Variants in RASAL2 observed in about 807,000 individuals in gnomAD.
RASAL2 encodes the protein RAS protein activator like 2.
Under a neutral mutation model 128.9 loss-of-function variants are expected in RASAL2, and 58 were observed. The observed-to-expected ratio is 0.45, with a 90% confidence interval of 0.36 to 0.56. The LOEUF is 0.56. Ranked by LOEUF, RASAL2 falls within the 20% of genes least tolerant of loss-of-function variation. RASAL2 has a pLI of 0.00. For synonymous variants in RASAL2, 561 were observed against 580.8 expected (o/e 0.97, Z 0.49); for missense variants, 1,360 against 1,601.6 (o/e 0.85, Z 2.57).
At chr1:178,112,447 G>T (rs961373448) in intron 1 of RASAL2, among the ~76,000 whole-genome samples, 2 of 151,986 alleles carry the variant, frequency 1.3e-5, no homozygotes, top group Non-Finnish European at 2.9e-5. Flanking sequence ...CTACTCAGGA[G>T]GCTGAGGCAG....
At chr1:178,392,413 T>C (rs1483557999) in intron 4 of RASAL2, among the ~76,000 whole-genome samples, 1 of 152,026 alleles carries the variant, frequency 6.6e-6, no homozygotes, top group Non-Finnish European at 1.5e-5. Context: ...GAGACAGGAA[T>C]TGAAAAGTAT....
At chr1:178,415,425 A>G (rs1407834727) in intron 4 of RASAL2, among the ~76,000 whole-genome samples, 1 of 152,152 alleles carries the variant, frequency 6.6e-6, no homozygotes, top group Non-Finnish European at 1.5e-5. Context: ...ATTATGATCT[A>G]AAAGAAGACA....
rs1332619204 is a variant in RASAL2, at chr1:178,298,491, A to C, written c.331-1501A>C. Among the ~76,000 whole-genome samples, 3 of 152,224 alleles carry C rather than the reference A, an allele frequency of 2.0e-5. No homozygotes were observed. The South Asian group carries it at 6.2e-4, about 31-fold the overall frequency. On this transcript the variant is annotated intron_variant, in intron 2 of 17. Transcript: ENST00000367649. ...ATTTGCTCCTCGGATTCTCAGTAAC[A>C]GAGAGAGAGTTTTCCTTGCCATCAT...
intron 5 of RASAL2, among the ~76,000 whole-genome samples, chr1:178,438,533 G>C (rs1268621352): frequency 3.3e-5 from 5 of 151,858 alleles, no homozygotes; most frequent in Admixed American, 1.3e-4. Flanking sequence ...TGGGATTCAA[G>C]AATATTGTAC....
At chr1:178,096,406 G>A (rs1397322306) in intron 1 of RASAL2, among the ~76,000 whole-genome samples, 2 of 151,862 alleles carry the variant, frequency 1.3e-5, no homozygotes, top group African/African-American at 4.8e-5. Flanking sequence ...GTCTACAAAT[G>A]TATGTTGTTT....
intron 3 of RASAL2, among the ~76,000 whole-genome samples, chr1:178,312,686 A>G (rs1446949504): frequency 6.6e-6 from 1 of 152,244 alleles, no homozygotes; most frequent in Non-Finnish European, 1.5e-5. Flanking sequence ...AGACTGGAGC[A>G]GCTGATAAGG....
intron 3 of RASAL2, among the ~76,000 whole-genome samples, chr1:178,364,563 G>T (rs894841514): frequency 4.6e-5 from 7 of 152,150 alleles, no homozygotes. Context: ...TATTATTGTT[G>T]CTACAAGTAT....
At chr1:178,390,311 AATTTCTTTATAATTCTGTG>A in intron 4 of RASAL2, 105 bp downstream of exon 4, 1 of 753,400 alleles carries the variant, frequency 1.3e-6, no homozygotes, top group Non-Finnish European at 2.1e-6. Context: ...TCTCTTCAAG[AATTTCTTTATAATTCTGTG>A]ATTAAAGGAT....
intron 3 of RASAL2, among the ~76,000 whole-genome samples, chr1:178,331,855 G>A (rs950669537): frequency 2.0e-5 from 3 of 151,852 alleles, no homozygotes; most frequent in East Asian, 1.9e-4. Flanking sequence ...CCAAAGTGCT[G>A]GGATTACAGG....
chr1:178,372,576 C>T (rs891357499), intron 3 of RASAL2, among the ~76,000 whole-genome samples: 1 of 152,146 alleles, frequency 6.6e-6, no homozygotes, highest in Non-Finnish European at 1.5e-5. Context: ...TCAAGGCTTA[C>T]CATGTCATCT....
chr1:178,415,481 C>G (rs1025064753), intron 4 of RASAL2, among the ~76,000 whole-genome samples: 1 of 151,876 alleles, frequency 6.6e-6, no homozygotes, highest in Non-Finnish European at 1.5e-5. Context: ...GTGTTTTATG[C>G]CCAGAATTTG....
chr1:178,354,714 A>G (rs752680951), intron 3 of RASAL2, among the ~76,000 whole-genome samples: 4 of 152,232 alleles, frequency 2.6e-5, no homozygotes, highest in African/African-American at 4.8e-5. Context: ...ACTGTTTACA[A>G]TAACAAAATG....
intron 7 of RASAL2, 116 bp downstream of exon 7, chr1:178,441,763 A>G (rs1676666612): frequency 4.2e-6 from 3 of 714,444 alleles, no homozygotes; most frequent in Non-Finnish European, 7.1e-6. Flanking sequence ...TTTAAAGCAC[A>G]TTTATATGTT....
At chr1:178,279,115 A>G (rs1325656581) in intron 1 of RASAL2, among the ~76,000 whole-genome samples, 3 of 152,228 alleles carry the variant, frequency 2.0e-5, no homozygotes, top group Non-Finnish European at 2.9e-5. Context: ...TTTGGAAATA[A>G]TAGATTGCAT....
At chr1:178,290,555 C>T (rs1255067580) in intron 2 of RASAL2, among the ~76,000 whole-genome samples, 1 of 150,896 alleles carries the variant, frequency 6.6e-6, no homozygotes, top group African/African-American at 2.4e-5. Context: ...TGGAATTAGA[C>T]AGCAGTGGTA....
At chr1:178,370,610 T>C (rs1334777105) in intron 3 of RASAL2, among the ~76,000 whole-genome samples, 3 of 152,250 alleles carry the variant, frequency 2.0e-5, no homozygotes, top group Non-Finnish European at 4.4e-5. Flanking sequence ...TCAAAATGGT[T>C]AATTTTTAAA....
At chr1:178,396,826 TAA>T (rs60205143) in intron 4 of RASAL2, among the ~76,000 whole-genome samples, 22 of 134,080 alleles carry the variant, frequency 1.6e-4, no homozygotes, top group Non-Finnish European at 2.0e-4. Context: ...GAGTGGCTGG[TAA>T]AAAAAAAAAA....
chr1:178,102,781 T>C (rs1014485903), intron 1 of RASAL2, among the ~76,000 whole-genome samples: 4 of 152,222 alleles, frequency 2.6e-5, no homozygotes, highest in African/African-American at 9.6e-5. Context: ...TCTCTCTTAC[T>C]CTTCCTCCCT....
intron 1 of RASAL2, among the ~76,000 whole-genome samples, chr1:178,281,123 G>GT (rs989421072): frequency 3.3e-5 from 5 of 151,380 alleles, no homozygotes; most frequent in Admixed American, 6.6e-5. Context: ...TTTTTTTCTT[G>GT]TTTTTTTTCC....
Sources: allele counts gnomAD v4.1 joint callset (sites outside exome capture counted in the v4.1 genomes callset), GRCh38; gene constraint gnomAD v4.1.1; transcripts MANE v1.5; gene names NCBI Gene and HGNC (gene_info 2026-07-23, HGNC 2026-07-21).